The following SLC7A2 variants were observed in gnomAD, a reference collection of about 807,000 sequenced individuals.
The protein encoded by SLC7A2 is cationic amino acid transporter 2.
SLC7A2 carries 48 observed loss-of-function variants against 58.9 expected under a neutral mutation model. The ratio of observed to expected loss-of-function variants is 0.82; its 90% CI spans 0.65 to 1.04. SLC7A2 has a LOEUF of 1.04. Among genes scored for constraint, SLC7A2 ranks in the 50% least tolerant of loss-of-function variants. The probability of loss-of-function intolerance (pLI) is 0.00; values close to 1 mark genes in which losing one functional copy is unlikely to be tolerated. For missense variants in SLC7A2, 1,029 were observed against 818.8 expected, an observed-to-expected ratio of 1.26 and a Z score of -3.13; for synonymous variants, 363 against 314.5, an observed-to-expected ratio of 1.15 and a Z score of -1.63.
chr8:17,520,057 A>G (rs1389797215), intron 2 of SLC7A2, among the ~76,000 whole-genome samples: 3 of 152,216 alleles, frequency 2.0e-5, no homozygotes, highest in Non-Finnish European at 2.9e-5. Flanking sequence ...TTAAAGCTAT[A>G]TTATAGTTAG....
At chr8:17,524,160 T>G (rs559517730) in intron 2 of SLC7A2, among the ~76,000 whole-genome samples, 1 of 152,206 alleles carries the variant, frequency 6.6e-6, no homozygotes, top group African/African-American at 2.4e-5. Context: ...TTGGTGGGAA[T>G]GTAAACTAGT....
intron 4 of SLC7A2, 101 bp from the exon 5 acceptor site, chr8:17,548,577 A>G (rs1802287123): frequency 1.2e-6 from 1 of 809,360 alleles, no homozygotes; most frequent in South Asian, 1.8e-5. Flanking sequence ...AATTAAAGAC[A>G]TGAATGCTGG....
chr8:17,514,611 A>G (rs1800728580), intron 2 of SLC7A2, among the ~76,000 whole-genome samples: 2 of 152,144 alleles, frequency 1.3e-5, no homozygotes, highest in South Asian at 2.1e-4. Context: ...ACAGAAACTC[A>G]ATTTTGCTTG....
chr8:17,554,723 C>A (rs2150763522), intron 8 of SLC7A2, 24 bp downstream of exon 8: 1 of 1,592,750 alleles, frequency 6.3e-7, no homozygotes, highest in Non-Finnish European at 8.5e-7. Flanking sequence ...GACTTTTCTT[C>A]AGAAACGGGG....
At chr8:17,505,378 C>T (rs868156375) in intron 2 of SLC7A2, among the ~76,000 whole-genome samples, 3 of 152,160 alleles carry the variant, frequency 2.0e-5, no homozygotes, top group Non-Finnish European at 4.4e-5. Context: ...CCGCTTATGG[C>T]CTCCAAGTTG....
At chr8:17,549,083 A>G (rs1802319791) in intron 5 of SLC7A2, among the ~76,000 whole-genome samples, 2 of 151,244 alleles carry the variant, frequency 1.3e-5, no homozygotes, top group African/African-American at 2.4e-5. Context: ...GTGCAGGGAA[A>G]CTCTCCCTTA....
At chr8:17,509,776 C>G (rs935222572) in intron 2 of SLC7A2, among the ~76,000 whole-genome samples, 4 of 152,078 alleles carry the variant, frequency 2.6e-5, no homozygotes, top group Admixed American at 6.6e-5. Context: ...AAATTATTTG[C>G]TGAATGGAAT....
At chr8:17,555,027 A>T (rs764708422) in intron 8 of SLC7A2, 1 of 1,613,966 alleles carries the variant, frequency 6.2e-7, no homozygotes, top group Non-Finnish European at 8.5e-7. Context: ...TTCTTGCCAG[A>T]GTGAGTAAGA....
intron 2 of SLC7A2, among the ~76,000 whole-genome samples, chr8:17,524,459 A>G (rs1801145807): frequency 7.1e-6 from 1 of 141,686 alleles, no homozygotes. Context: ...CACACACACC[A>G]TGGAATACTA....
intron 5 of SLC7A2, 96 bp downstream of exon 5, chr8:17,548,939 A>G (rs1459308495): frequency 1.0e-6 from 1 of 987,812 alleles, no homozygotes; most frequent in Non-Finnish European, 1.5e-6. Context: ...ATAAAGACAT[A>G]CCCATGACTG....
rs1203387239 is a variant in SLC7A2, at chr8:17,566,240, TTC to T, written c.*1098_*1099del. ...TCAGGCCCAGAGTTCACTTCTTTGT[TTC>T]TCTGTTTCTTTTGTCTTGTCTTAGA... On this transcript the variant is annotated 3_prime_UTR_variant, in exon 13 of 13. Coordinates refer to ENST00000494857, the MANE Select transcript of SLC7A2 (RefSeq NM_001370338.1). 6 of 152,328 alleles carry T rather than the reference TTC, an allele frequency of 3.9e-5. No homozygotes were observed. Among genetic ancestry groups the T allele is most frequent in the Middle Eastern group, 3.4e-3 (1 of 294 alleles). The allele number at this position is 152,328 out of a possible 1,614,324, so 9.4% of individuals were successfully genotyped here.
At chr8:17,538,838 CA>C in intron 2 of SLC7A2, 1 of 1,613,362 alleles carries the variant, frequency 6.2e-7, no homozygotes, top group Non-Finnish European at 8.5e-7. Flanking sequence ...AAGATAGAAA[CA>C]AGTGGTTATA....
At chr8:17,560,198 A>C in intron 9 of SLC7A2, 130 bp from the exon 10 acceptor site, 1 of 671,384 alleles carries the variant, frequency 1.5e-6, no homozygotes. Flanking sequence ...CTGGGACTGG[A>C]GTCATAAGTG....
At chr8:17,536,146 T>C (rs1801655876) in intron 2 of SLC7A2, among the ~76,000 whole-genome samples, 1 of 151,906 alleles carries the variant, frequency 6.6e-6, no homozygotes, top group Non-Finnish European at 1.5e-5. Context: ...TTTTAGTAAG[T>C]ACTGTAGAGC....
intron 12 of SLC7A2, 27 bp from the exon 13 acceptor site, chr8:17,564,923 T>G (rs893879195): frequency 2.6e-6 from 4 of 1,525,812 alleles, no homozygotes; most frequent in South Asian, 1.2e-5. Context: ...CCTGAAACAT[T>G]GATTTTTTTT....
In SLC7A2 at chr8:17,563,593, T is replaced by TC; in HGVS notation, c.1672-5dup. 1 of 1,531,972 alleles carries TC rather than the reference T, an allele frequency of 6.5e-7. No homozygotes were observed. The highest frequency in any genetic ancestry group is 9.0e-7 in the Non-Finnish European group (1 of 1,109,828). The allele number at this position is 1,531,972 out of a possible 1,614,324, so 94.9% of individuals were successfully genotyped here. ...ATGAGTATGTTCAAAAGGATTGTTT[T>TC]CCCCCTCAGGTTCCATTCTTACCAT... On this transcript the variant is annotated splice_polypyrimidine_tract_variant and intron_variant, in intron 11 of 12. Coordinates refer to ENST00000494857, the MANE Select transcript of SLC7A2 (RefSeq NM_001370338.1).
At chr8:17,499,949 T>G (rs1165672953) in intron 1 of SLC7A2, 1 of 152,226 alleles carries the variant, frequency 6.6e-6, no homozygotes, top group African/African-American at 2.4e-5. Context: ...ATGTCTTTAT[T>G]GTTGAGTGAA....
At chr8:17,526,572 GGAGT>G (rs1056286394) in intron 2 of SLC7A2, among the ~76,000 whole-genome samples, 6 of 152,130 alleles carry the variant, frequency 3.9e-5, no homozygotes, top group Non-Finnish European at 8.8e-5. Context: ...GTGTGTGTGT[GGAGT>G]GAGTAGAGAT....
chr8:17,542,836 C>T (rs1404140703), intron 2 of SLC7A2, among the ~76,000 whole-genome samples: 1 of 151,928 alleles, frequency 6.6e-6, no homozygotes, highest in Non-Finnish European at 1.5e-5. Flanking sequence ...ACACCTGTAA[C>T]CCCGAGGTTG....
Sources: gnomAD v4.1 joint callset for allele counts (sites outside exome capture counted in the v4.1 genomes callset) on GRCh38, gnomAD v4.1.1 for gene constraint, MANE v1.5 for transcripts, NCBI Gene and HGNC (gene_info 2026-07-23, HGNC 2026-07-21) for gene names.